Variants in IL22RA1 observed in about 807,000 individuals in gnomAD.
The protein encoded by IL22RA1 is interleukin 22 receptor subunit alpha 1.
In IL22RA1, 25 loss-of-function variants were observed where a neutral mutation model predicts 32.8. That is an observed-to-expected ratio of 0.76 (90% CI 0.55 to 1.06). The LOEUF is 1.06. Among genes scored for constraint, IL22RA1 ranks in the 50% least tolerant of loss-of-function variants. The probability of loss-of-function intolerance (pLI) is 0.00; values close to 1 mark genes in which losing one functional copy is unlikely to be tolerated. For missense variants in IL22RA1, 709 were observed against 727.4 expected (o/e 0.97, Z 0.29); for synonymous variants, 305 against 305.0 (o/e 1.00, Z 0.00).
chr1:24,142,289 G>A (rs1644286978), intron 1 of IL22RA1, among the ~76,000 whole-genome samples: 1 of 152,216 alleles, frequency 6.6e-6, no homozygotes, highest in African/African-American at 2.4e-5. Context: ...GGCCATACCT[G>A]CTCGCCATCC....
At chr1:24,138,844 G>T in intron 1 of IL22RA1, 130 bp from the exon 2 acceptor site, 1 of 1,135,046 alleles carries the variant, frequency 8.8e-7, no homozygotes, top group Non-Finnish European at 1.2e-6. Flanking sequence ...TGCCAGCCTG[G>T]TGGGTGGGCA....
At chr1:24,123,672 A>AT (rs1644142276) in intron 5 of IL22RA1, 1 of 782,844 alleles carries the variant, frequency 1.3e-6, no homozygotes, top group Non-Finnish European at 1.8e-6. Context: ...TAACAAAAAG[A>AT]TTTTTTACAA....
chr1:24,137,022 GCC>G, intron 3 of IL22RA1, 107 bp downstream of exon 3: 1 of 1,031,384 alleles, frequency 9.7e-7, no homozygotes, highest in Non-Finnish European at 1.4e-6. Context: ...CTTGCAGAGA[GCC>G]CCTTCTGGAC....
rs759499053 is a variant in IL22RA1 at position 24,137,211 on chromosome 1, T to C, written c.275A>G (p.Tyr92Cys). 1 of 1,614,142 alleles carries C rather than the reference T, an allele frequency of 6.2e-7. No individual in the cohort carries two copies. Among genetic ancestry groups the C allele is most frequent in the Admixed American group, 1.7e-5 (1 of 60,020 alleles). Residue 92 changes from tyrosine (Y) to cysteine (C), a missense_variant, in exon 3 of 7, where the codon TAC becomes TGC. By Grantham distance (194) the Tyr-to-Cys change is radical. Transcript: ENST00000270800. ...ACTGACAGCGGTGACCCTGGCATAG[T>C]AGAGCTCCGTGAGGTTGCCCGTCTC... Reference protein sequence around the residue: ...TVETGNLTELYYARVTAVSAG... With the variant: ...TVETGNLTELCYARVTAVSAG...
At chr1:24,139,766 T>C (rs1644268076) in intron 1 of IL22RA1, among the ~76,000 whole-genome samples, 1 of 152,236 alleles carries the variant, frequency 6.6e-6, no homozygotes, top group Non-Finnish European at 1.5e-5. Flanking sequence ...GGCTGCACCA[T>C]CTTAAATTCC....
intron 1 of IL22RA1, 95 bp downstream of exon 1, chr1:24,142,945 G>T: frequency 1.7e-6 from 2 of 1,196,970 alleles, no homozygotes; most frequent in Non-Finnish European, 2.4e-6. Context: ...ACTGAAACTG[G>T]CTATGCTCGG....
chr1:24,129,924 T>A (rs1644193470), intron 4 of IL22RA1, among the ~76,000 whole-genome samples: 1 of 152,192 alleles, frequency 6.6e-6, no homozygotes, highest in South Asian at 2.1e-4. Context: ...TTTCACGACC[T>A]CCATCCTGGT....
Position 24,121,226 on chromosome 1 carries a change from G to C in IL22RA1, c.1304C>G (p.Pro435Arg), listed in dbSNP as rs185017476. The change falls in exon 7 of 7, where the codon CCA becomes CGA. Residue 435 changes from proline (P) to arginine (R), a missense_variant. Transcript: ENST00000270800. ...ACCTAACATGCAGCTTCCAGCTGGT[G>C]GCTCTTTCTGAAGCTGACCTTTAGG... Reference protein sequence around the residue: ...LRPKGQLQKEPPAGSCMLGGL... With the variant: ...LRPKGQLQKERPAGSCMLGGL... The C allele has an allele frequency of 3.6e-4, 574 of 1,614,240 alleles. 12 individuals are homozygous for C. In the East Asian group the frequency reaches 8.2e-3, roughly 23 times the overall value.
At position 24,121,453 on chromosome 1, in the gene IL22RA1, G is replaced by A. The variant is rs34967816; in HGVS notation, c.1077C>T (p.Val359=). The A allele has an allele frequency of 0.1, 156,051 of 1,544,218 alleles. 9,254 individuals carry two copies. Among genetic ancestry groups the A allele is most frequent in the African/African-American group, 0.19 (14,198 of 73,102 alleles). ...LSYAPNAAPE[V]GPPSYAPQVT... ...CCTGAGGTGCATAGGATGGGGGCCC[G>A]ACCTCAGGGGCAGCGTTTGGGGCAT... Residue 359 remains valine (V), a synonymous_variant, in exon 7 of 7, where the codon GTC becomes GTT. Transcript: ENST00000270800.
At chr1:24,135,130 G>C (rs879764476) in intron 3 of IL22RA1, among the ~76,000 whole-genome samples, 6 of 152,126 alleles carry the variant, frequency 3.9e-5, no homozygotes, top group Non-Finnish European at 7.4e-5. Flanking sequence ...TCCTCAAAAA[G>C]GGAAATACAT....
intron 6 of IL22RA1, among the ~76,000 whole-genome samples, chr1:24,122,405 G>C (rs1570900470): frequency 6.7e-6 from 1 of 149,824 alleles, no homozygotes; most frequent in Admixed American, 6.7e-5. Flanking sequence ...TATTTTTTGG[G>C]TGGGGGGTGG....
At chr1:24,131,335 A>G (rs1042900436) in intron 4 of IL22RA1, among the ~76,000 whole-genome samples, 2 of 152,234 alleles carry the variant, frequency 1.3e-5, no homozygotes, top group African/African-American at 4.8e-5. Context: ...TGGCATGTGA[A>G]TTAATGTCAA....
chr1:24,122,797 C>CA (rs111881115), intron 6 of IL22RA1, among the ~76,000 whole-genome samples: 3,007 of 136,348 alleles, frequency 0.022, 68 homozygotes, highest in African/African-American at 0.063. Context: ...GACTCCATCT[C>CA]AAAAAAAAAA....
intron 3 of IL22RA1, among the ~76,000 whole-genome samples, chr1:24,135,965 A>AT (rs1405102928): frequency 3.3e-5 from 5 of 151,960 alleles, no homozygotes; most frequent in East Asian, 1.9e-4. Flanking sequence ...TATCTTTTTT[A>AT]TTTTTTTGAG....
intron 4 of IL22RA1, among the ~76,000 whole-genome samples, chr1:24,133,482 G>C (rs1360454975): frequency 1.3e-5 from 2 of 152,170 alleles, no homozygotes; most frequent in Admixed American, 6.5e-5. Flanking sequence ...CACATGCTGA[G>C]GGTAGGGGGT....
At position 24,134,795 on chromosome 1, in the gene IL22RA1, G is replaced by A; in HGVS notation, c.356-409C>T. On this transcript the variant is annotated intron_variant, in intron 3 of 6. Transcript: ENST00000270800. ...AACTACACATCCTAAATAATGTTTG[G>A]GGCCTAATACTATTGATGCAGCCTC... 2.1e-6 allele frequency: 2 copies of A among 956,900 alleles called. 1 individual carries two copies. The highest frequency in any genetic ancestry group is 3.5e-5 in the African/African-American group (2 of 56,574). 59.3% of individuals were successfully genotyped at this position (956,900 alleles called of 1,614,324 possible).
At chr1:24,132,067 G>A (rs1020626077) in intron 4 of IL22RA1, among the ~76,000 whole-genome samples, 7 of 151,974 alleles carry the variant, frequency 4.6e-5, no homozygotes, top group Admixed American at 2.0e-4. Context: ...ACAAAAATTC[G>A]TCCCCTCCAC....
intron 3 of IL22RA1, chr1:24,134,888 T>A: frequency 2.1e-6 from 2 of 962,156 alleles, no homozygotes; most frequent in Non-Finnish European, 2.5e-6. Context: ...TTACCTTTGC[T>A]GGTTTACAGA....
rs145860109 is a variant in IL22RA1 at position 24,138,677 on chromosome 1, G to A, written c.81C>T (p.His27=). Residue 27 remains histidine, a synonymous_variant, in exon 2 of 7, where the codon CAC becomes CAT. Transcript: ENST00000270800. Reference sequence around the variant, plus strand: ...CAAAGTTGCTGGACTGGAATTTCACGTGCTGGAGCAGATCCGAGGGGTCCT... The same window carrying A: ...CAAAGTTGCTGGACTGGAATTTCACATGCTGGAGCAGATCCGAGGGGTCCT... ...APEDPSDLLQ[H]VKFQSSNFEN... 3.1e-4 allele frequency: 497 copies of A among 1,614,170 alleles called. 5 individuals are homozygous for A. In the South Asian group the frequency reaches 4.4e-3, roughly 14 times the overall value.
Sources: allele counts gnomAD v4.1 joint callset (sites outside exome capture counted in the v4.1 genomes callset), GRCh38; gene constraint gnomAD v4.1.1; transcripts MANE v1.5; gene names NCBI Gene and HGNC (gene_info 2026-07-23, HGNC 2026-07-21).